CSMD1: variants seen among roughly 807,000 people sequenced by gnomAD.
CSMD1 encodes CUB and sushi domain-containing protein 1.
CSMD1 carries 213 observed loss-of-function variants against 417.5 expected under a neutral mutation model. The observed-to-expected ratio is 0.51, with a 90% confidence interval of 0.46 to 0.57. The LOEUF is 0.57. CSMD1 is among the 20% of genes least tolerant of loss of function. CSMD1 has a pLI of 0.00. For synonymous variants in CSMD1, 2,862 were observed against 1,736.8 expected, an observed-to-expected ratio of 1.65 and a Z score of -16.11; for missense variants, 6,923 against 4,529.7, an observed-to-expected ratio of 1.53 and a Z score of -15.17.
intron 48 of CSMD1, among the ~76,000 whole-genome samples, chr8:3,088,228 C>A (rs936652738): frequency 6.6e-6 from 1 of 152,212 alleles, no homozygotes; most frequent in Non-Finnish European, 1.5e-5. Flanking sequence ...CTTATTTACA[C>A]GTTTAGACAA....
At chr8:3,589,473 G>C (rs547082702) in intron 8 of CSMD1, among the ~76,000 whole-genome samples, 12 of 152,172 alleles carry the variant, frequency 7.9e-5, no homozygotes, top group African/African-American at 2.6e-4. Flanking sequence ...CTTGCCATTT[G>C]TGACAACACA....
intron 49 of CSMD1, among the ~76,000 whole-genome samples, chr8:3,061,550 A>T (rs1812589575): frequency 6.6e-6 from 1 of 152,168 alleles, no homozygotes; most frequent in Non-Finnish European, 1.5e-5. Context: ...CTTAATCCAC[A>T]GTTGGCCAGG....
At chr8:4,709,025 T>C (rs948277060) in intron 1 of CSMD1, among the ~76,000 whole-genome samples, 11 of 152,152 alleles carry the variant, frequency 7.2e-5, no homozygotes, top group African/African-American at 2.2e-4. Flanking sequence ...TAAATGTCTA[T>C]TGCTGAAGCT....
chr8:3,549,439 G>A (rs765835656), intron 10 of CSMD1, among the ~76,000 whole-genome samples: 7 of 152,286 alleles, frequency 4.6e-5, no homozygotes, highest in Non-Finnish European at 7.4e-5. Context: ...GGCCTTTGAG[G>A]CTCACATGGA....
chr8:3,707,204 C>T (rs866595931), intron 7 of CSMD1, among the ~76,000 whole-genome samples: 8 of 152,220 alleles, frequency 5.3e-5, no homozygotes, highest in Middle Eastern at 3.4e-3. Flanking sequence ...TCTATAGTAT[C>T]GTTGTCAAAA....
chr8:4,223,564 G>C (rs1010207656), intron 3 of CSMD1, among the ~76,000 whole-genome samples: 2 of 152,256 alleles, frequency 1.3e-5, no homozygotes, highest in African/African-American at 4.8e-5. Context: ...CTGCAAGGCA[G>C]GACCTGTGTC....
chr8:3,891,747 C>A (rs1307592071), intron 5 of CSMD1, among the ~76,000 whole-genome samples: 1 of 152,064 alleles, frequency 6.6e-6, no homozygotes, highest in Non-Finnish European at 1.5e-5. Context: ...ATAACACTGA[C>A]TGGAGACTGA....
At chr8:3,352,324 T>C (rs1808476466) in intron 21 of CSMD1, among the ~76,000 whole-genome samples, 1 of 152,208 alleles carries the variant, frequency 6.6e-6, no homozygotes, top group Admixed American at 6.5e-5. Flanking sequence ...AACAGTTGAA[T>C]TTTAAAGACT....
At chr8:3,789,428 GTTTTTTTTTAAGTGT>G (rs1563081250) in intron 5 of CSMD1, among the ~76,000 whole-genome samples, 4 of 84,918 alleles carry the variant, frequency 4.7e-5, no homozygotes, top group South Asian at 4.0e-4. Context: ...TTTAAGTAGT[GTTTTTTTTTAAGTGT>G]TTTTTTTTTT....
chr8:3,983,513 C>T (rs1337158122), intron 5 of CSMD1, among the ~76,000 whole-genome samples: 3 of 152,170 alleles, frequency 2.0e-5, no homozygotes, highest in Non-Finnish European at 4.4e-5. Context: ...GGACTTGGGA[C>T]AGGAAACTGC....
chr8:3,838,021 C>G (rs552837757), intron 5 of CSMD1, among the ~76,000 whole-genome samples: 1 of 152,032 alleles, frequency 6.6e-6, no homozygotes, highest in Non-Finnish European at 1.5e-5. Flanking sequence ...AACTAATTAT[C>G]ATAAATAAAT....
intron 10 of CSMD1, among the ~76,000 whole-genome samples, chr8:3,550,205 G>A (rs1798850506): frequency 6.6e-6 from 1 of 152,126 alleles, no homozygotes; most frequent in Non-Finnish European, 1.5e-5. Flanking sequence ...CAGCCCATCA[G>A]CAGGCATTCC....
intron 30 of CSMD1, among the ~76,000 whole-genome samples, chr8:3,205,972 T>C (rs1372979299): frequency 1.3e-5 from 2 of 152,198 alleles, no homozygotes; most frequent in East Asian, 3.8e-4. Flanking sequence ...AAGTCAATCC[T>C]CATATTAACT....
chr8:3,973,652 C>A (rs1265324857), intron 5 of CSMD1, among the ~76,000 whole-genome samples: 3 of 152,148 alleles, frequency 2.0e-5, no homozygotes, highest in Non-Finnish European at 4.4e-5. Context: ...TTTACTCCCT[C>A]AAGTACCTCA....
chr8:4,451,596 C>A (rs1799148075), intron 2 of CSMD1, among the ~76,000 whole-genome samples: 1 of 152,006 alleles, frequency 6.6e-6, no homozygotes, highest in Non-Finnish European at 1.5e-5. Context: ...AAAAAGAAGA[C>A]CATTTTAGAG....
intron 5 of CSMD1, among the ~76,000 whole-genome samples, chr8:3,779,052 A>C (rs1799038773): frequency 6.6e-6 from 1 of 152,146 alleles, no homozygotes; most frequent in African/African-American, 2.4e-5. Context: ...TTCATAACAA[A>C]TTACCATTCC....
chr8:3,273,316 C>T (rs1802011741), intron 26 of CSMD1, among the ~76,000 whole-genome samples: 1 of 152,018 alleles, frequency 6.6e-6, no homozygotes, highest in Non-Finnish European at 1.5e-5. Context: ...TTTTGATGTG[C>T]TGCTGGATTC....
chr8:3,879,160 T>A (rs918619478), intron 5 of CSMD1, among the ~76,000 whole-genome samples: 1 of 152,182 alleles, frequency 6.6e-6, no homozygotes, highest in Non-Finnish European at 1.5e-5. Flanking sequence ...TATCAAAGCC[T>A]GGAGCAGGTG....
At chr8:4,905,378 T>C (rs1291082855) in intron 1 of CSMD1, among the ~76,000 whole-genome samples, 1 of 152,078 alleles carries the variant, frequency 6.6e-6, no homozygotes, top group African/African-American at 2.4e-5. Context: ...ATTTATAAAA[T>C]ATATATATTT....
Sources: allele counts gnomAD v4.1 joint callset (sites outside exome capture counted in the v4.1 genomes callset), GRCh38; gene constraint gnomAD v4.1.1; transcripts MANE v1.5; gene names NCBI Gene and HGNC (gene_info 2026-07-23, HGNC 2026-07-21).